FGF12: variants seen among roughly 807,000 people sequenced by gnomAD.
The protein encoded by FGF12 is fibroblast growth factor 12B.
FGF12 carries 14 observed loss-of-function variants against 23.6 expected under a neutral mutation model. That is an observed-to-expected ratio of 0.59 (90% CI 0.39 to 0.93). The LOEUF is 0.93. Ranked by LOEUF, FGF12 falls within the 40% of genes least tolerant of loss-of-function variation. FGF12 has a pLI of 0.00. For missense variants in FGF12, 175 were observed against 217.8 expected, an observed-to-expected ratio of 0.80 and a Z score of 1.24; for synonymous variants, 62 against 77.3, an observed-to-expected ratio of 0.80 and a Z score of 1.04.
intron 2 of FGF12, among the ~76,000 whole-genome samples, chr3:192,633,238 G>C (rs576910726): frequency 1.6e-3 from 245 of 152,116 alleles, no homozygotes; most frequent in Non-Finnish European, 2.3e-3. Context: ...TAGAGACAAG[G>C]TTTCATCATG....
At chr3:192,295,674 T>C (rs1714990075) in intron 4 of FGF12, among the ~76,000 whole-genome samples, 1 of 152,188 alleles carries the variant, frequency 6.6e-6, no homozygotes, top group Non-Finnish European at 1.5e-5. Context: ...ATTGTTTTGA[T>C]AGACTGTCTT....
At position 192,140,479 on chromosome 3, in the gene FGF12, C is replaced by A. The variant is rs971989451; in HGVS notation, c.*3530G>T. 1.3e-5 allele frequency: 2 copies of A among 151,956 alleles called. No homozygotes were observed. Among genetic ancestry groups the A allele is most frequent in the Non-Finnish European group, 1.5e-5 (1 of 67,878 alleles). 9.4% of individuals were successfully genotyped at this position (151,956 alleles called of 1,614,324 possible). A position where few individuals can be genotyped will look rare whatever the true frequency, so the allele number is the denominator to read the frequency against. On this transcript the variant is annotated 3_prime_UTR_variant, in exon 6 of 6. Transcript: ENST00000445105. The stretch of plus-strand genomic sequence containing the variant: ...TATGTTTTTAAAAAATTACTGGCAA[C>A]GTAGTCATACTTACTTCTTCACCAA...
intron 2 of FGF12, among the ~76,000 whole-genome samples, chr3:192,632,101 A>T (rs756637466): frequency 2.0e-5 from 3 of 152,182 alleles, no homozygotes; most frequent in Non-Finnish European, 1.5e-5. Flanking sequence ...AGCTTTACAC[A>T]TGCATTTTCT....
At chr3:192,551,753 G>GAA (rs200354065) in intron 2 of FGF12, among the ~76,000 whole-genome samples, 1 of 146,958 alleles carries the variant, frequency 6.8e-6, no homozygotes, top group Non-Finnish European at 1.5e-5. Flanking sequence ...ACTCCTCAAA[G>GAA]AAAAAAAAAA....
At chr3:192,648,441 T>A (rs763340174) in intron 2 of FGF12, among the ~76,000 whole-genome samples, 1 of 151,968 alleles carries the variant, frequency 6.6e-6, no homozygotes, top group Non-Finnish European at 1.5e-5. Context: ...TATGGTCAAT[T>A]CTCAACTATC....
chr3:192,195,069 GA>G (rs1454131843), intron 4 of FGF12, among the ~76,000 whole-genome samples: 2 of 152,204 alleles, frequency 1.3e-5, no homozygotes, highest in African/African-American at 4.8e-5. Flanking sequence ...CCAGAACTAG[GA>G]TGCAGATTGG....
At chr3:192,683,534 T>C (rs1425993118) in intron 2 of FGF12, among the ~76,000 whole-genome samples, 2 of 152,110 alleles carry the variant, frequency 1.3e-5, no homozygotes, top group African/African-American at 4.8e-5. Context: ...TTTCAAGATG[T>C]CAAAGAGGAC....
intron 2 of FGF12, among the ~76,000 whole-genome samples, chr3:192,569,032 A>T (rs955882201): frequency 6.6e-6 from 1 of 152,222 alleles, no homozygotes; most frequent in African/African-American, 2.4e-5. Context: ...AAAACAGTAC[A>T]TGCGGAATAA....
At chr3:192,174,995 CAT>C (rs1461060862) in intron 4 of FGF12, among the ~76,000 whole-genome samples, 1 of 152,176 alleles carries the variant, frequency 6.6e-6, no homozygotes, top group Non-Finnish European at 1.5e-5. Context: ...GTTTTTGTCA[CAT>C]GTTTATATCT....
chr3:192,169,829 T>C, intron 5 of FGF12, among the ~76,000 whole-genome samples: 1 of 111,676 alleles, frequency 9.0e-6, no homozygotes, highest in African/African-American at 4.9e-5. Context: ...AAAATCGGTT[T>C]CCTCAGAAAA....
intron 2 of FGF12, among the ~76,000 whole-genome samples, chr3:192,381,070 CTG>C (rs1331621871): frequency 2.6e-5 from 4 of 151,992 alleles, no homozygotes; most frequent in Non-Finnish European, 5.9e-5. Flanking sequence ...TCAAAACACA[CTG>C]TGTATTTTGC....
chr3:192,416,018 TAGC>T (rs1363949163), intron 2 of FGF12, among the ~76,000 whole-genome samples: 1 of 152,050 alleles, frequency 6.6e-6, no homozygotes, highest in African/African-American at 2.4e-5. Flanking sequence ...CTTGTTGAAA[TAGC>T]AGTCTCTTAC....
chr3:192,173,203 G>A (rs895580390), intron 4 of FGF12, among the ~76,000 whole-genome samples: 7 of 150,796 alleles, frequency 4.6e-5, no homozygotes, highest in Admixed American at 6.7e-5. Context: ...ATTAGATACC[G>A]GTGATGTTTG....
chr3:192,247,649 A>T (rs1711711219), intron 4 of FGF12, among the ~76,000 whole-genome samples: 1 of 152,194 alleles, frequency 6.6e-6, no homozygotes, highest in Admixed American at 6.5e-5. Context: ...AAATCATTTC[A>T]TTATATAGTT....
chr3:192,437,004 G>A (rs1226504908), intron 2 of FGF12, among the ~76,000 whole-genome samples: 2 of 152,172 alleles, frequency 1.3e-5, no homozygotes, highest in African/African-American at 4.8e-5. Context: ...AAAAATTAGA[G>A]GCTATGGAGG....
At chr3:192,630,722 T>A (rs1331558614) in intron 2 of FGF12, among the ~76,000 whole-genome samples, 1 of 150,552 alleles carries the variant, frequency 6.6e-6, no homozygotes, top group Non-Finnish European at 1.5e-5. Flanking sequence ...CCGGCTAATT[T>A]TTTTTTTTTG....
chr3:192,671,446 A>G (rs1409419344), intron 2 of FGF12, among the ~76,000 whole-genome samples: 1 of 152,166 alleles, frequency 6.6e-6, no homozygotes, highest in Non-Finnish European at 1.5e-5. Context: ...CGGAAATTCC[A>G]TGTATTGGTC....
intron 4 of FGF12, among the ~76,000 whole-genome samples, chr3:192,243,055 T>C (rs1188800472): frequency 6.6e-6 from 1 of 152,070 alleles, no homozygotes; most frequent in African/African-American, 2.4e-5. Context: ...TACTGATAGT[T>C]AATTTTCAGG....
rs993435706 is a variant in FGF12, at chr3:192,561,614, G to A, written c.13+165567C>T. On this transcript the variant is annotated intron_variant, in intron 2 of 5. Coordinates refer to ENST00000445105, the MANE Select transcript of FGF12 (RefSeq NM_004113.6). ...CCTGACCTTGTGATCCGCCCGCCTC[G>A]GCCTCCCAAAGTGCTGGGATTACAG... Among the ~76,000 whole-genome samples, 7 of 152,042 alleles carry A rather than the reference G, an allele frequency of 4.6e-5. No individual in the cohort carries two copies. In the East Asian group the frequency reaches 5.8e-4, roughly 13 times the overall value.
Sources: gnomAD v4.1 joint callset for allele counts (sites outside exome capture counted in the v4.1 genomes callset) on GRCh38, gnomAD v4.1.1 for gene constraint, MANE v1.5 for transcripts, NCBI Gene and HGNC (gene_info 2026-07-23, HGNC 2026-07-21) for gene names.